USF3: variants seen among roughly 807,000 people sequenced by gnomAD.
USF3 encodes the protein basic helix-loop-helix domain-containing protein USF3.
Under a neutral mutation model 157.5 loss-of-function variants are expected in USF3, and 29 were observed. The ratio of observed to expected loss-of-function variants is 0.18; its 90% CI spans 0.14 to 0.25. The LOEUF is 0.25. Among genes scored for constraint, USF3 ranks in the 10% least tolerant of loss-of-function variants. The pLI, the probability that USF3 is intolerant of heterozygous loss-of-function variation, is 1.00. For synonymous variants in USF3, 893 were observed against 941.4 expected (o/e 0.95, Z 0.94); for missense variants, 2,381 against 2,667.6 (o/e 0.89, Z 2.37).
intron 4 of USF3, among the ~76,000 whole-genome samples, chr3:113,672,143 TTTTC>T (rs1707169399): frequency 6.6e-6 from 1 of 151,508 alleles, no homozygotes; most frequent in Admixed American, 6.6e-5. Flanking sequence ...TTCTTTTTTT[TTTTC>T]TTTTTTTTTT....
rs114851005 is a variant in USF3, at chr3:113,685,360, C to T, written c.-134-7963G>A. On this transcript the variant is annotated intron_variant, in intron 1 of 6. Coordinates refer to ENST00000316407, the MANE Select transcript of USF3 (RefSeq NM_001009899.4). ...TGTGGCAACTATCTCCTGACTATCA[C>T]TGATGTTTATTCAAGCCCAGGGGCT... Among the ~76,000 whole-genome samples, 594 of 152,260 alleles carry T rather than the reference C, an allele frequency of 3.9e-3. 4 individuals carry two copies. Among genetic ancestry groups the T allele is most frequent in the African/African-American group, 0.014 (564 of 41,556 alleles).
At position 113,659,800 on chromosome 3, in the gene USF3, A is replaced by C; in HGVS notation, c.1882T>G (p.Phe628Val). ...ATGTGGACAAGATGCTTTCCTCCAAAAGTCTGTGGTGTTGGAACATTTTGC... is the reference window on the plus strand; with the variant it reads ...ATGTGGACAAGATGCTTTCCTCCAACAGTCTGTGGTGTTGGAACATTTTGC... The part of the protein sequence containing the change: ...SVQNVPTPQT[F>V]GGKHLVHILP... The change falls in exon 7 of 7, where the codon TTT (phenylalanine) becomes GTT (valine). Residue 628 changes from phenylalanine (F) to valine (V), a missense_variant. Coordinates refer to ENST00000316407, the MANE Select transcript of USF3 (RefSeq NM_001009899.4). 6.2e-7 allele frequency: 1 copy of C among 1,614,184 alleles called. No individual in the cohort carries two copies. Among genetic ancestry groups the C allele is most frequent in the Non-Finnish European group, 8.5e-7 (1 of 1,180,008 alleles).
At chr3:113,664,936 G>A (rs1249335632) in intron 5 of USF3, among the ~76,000 whole-genome samples, 3 of 152,130 alleles carry the variant, frequency 2.0e-5, no homozygotes, top group South Asian at 2.1e-4. Flanking sequence ...CTAGGAAGTG[G>A]GTTATCACCA....
In USF3 at chr3:113,657,349, C is replaced by T. The variant is rs753806192; in HGVS notation, c.4333G>A (p.Val1445Ile). The T allele has an allele frequency of 4.3e-6, 7 of 1,613,754 alleles. No individual in the cohort carries two copies. Among genetic ancestry groups the T allele is most frequent in the Non-Finnish European group, 5.9e-6 (7 of 1,179,826 alleles). Residue 1445 changes from valine to isoleucine, a missense_variant, in exon 7 of 7, where the codon GTT (valine) becomes ATT (isoleucine). Physicochemically the swap from Val to Ile is conservative, Grantham distance 29. Transcript: ENST00000316407. ...SQHLQALQQHVPAQGVSHLHS... is the reference protein window; with the variant it reads ...SQHLQALQQHIPAQGVSHLHS... ...AGGTGAGATACACCTTGAGCTGGAACATGCTGCTGCAGGGCCTGTAGATGC... is the reference window on the plus strand; with the variant it reads ...AGGTGAGATACACCTTGAGCTGGAATATGCTGCTGCAGGGCCTGTAGATGC...
chr3:113,660,748 T>C lies in USF3; in HGVS notation c.934A>G (p.Thr312Ala), dbSNP rs192213473. The C allele has an allele frequency of 2.6e-5, 42 of 1,614,206 alleles. No homozygotes were observed. The East Asian group carries it at 9.1e-4, about 35-fold the overall frequency. Residue 312 changes from threonine (T) to alanine (A), a missense_variant, in exon 7 of 7, where the codon ACT (threonine) becomes GCT (alanine). Transcript: ENST00000316407. ...NIPHSSSATA[T>A]KVHHGNKSCL... Reference sequence around the variant, plus strand: ...GACTTGTTTCCATGGTGCACTTTAGTGGCAGTTGCTGAGGAGCTGTGGGGG... The same window carrying C: ...GACTTGTTTCCATGGTGCACTTTAGCGGCAGTTGCTGAGGAGCTGTGGGGG...
rs869129942 is a variant in USF3 at position 113,652,666 on chromosome 3, A to AG, written c.*2277dup. On this transcript the variant is annotated 3_prime_UTR_variant, in exon 7 of 7. Coordinates refer to ENST00000316407, the MANE Select transcript of USF3 (RefSeq NM_001009899.4). ...GGAAGCTTTTTAGGATTAAAAAAAAAGGGGGGGGCCTGGGAGGGGTGACTC... is the reference window on the plus strand; with the variant it reads ...GGAAGCTTTTTAGGATTAAAAAAAAAGGGGGGGGGCCTGGGAGGGGTGACTC... 77 of 144,882 alleles carry AG rather than the reference A, an allele frequency of 5.3e-4. No homozygotes were observed. Among genetic ancestry groups the AG allele is most frequent in the African/African-American group, 1.3e-3 (50 of 39,380 alleles). The allele number at this position is 144,882 out of a possible 1,614,324, so 9.0% of individuals were successfully genotyped here.
chr3:113,667,572 A>C (rs756828985), intron 5 of USF3, among the ~76,000 whole-genome samples: 3 of 152,222 alleles, frequency 2.0e-5, no homozygotes, highest in Non-Finnish European at 4.4e-5. Flanking sequence ...CACAATTTTT[A>C]AAAAGGCTGA....
At chr3:113,677,941 G>A (rs1363894280) in intron 1 of USF3, among the ~76,000 whole-genome samples, 4 of 151,992 alleles carry the variant, frequency 2.6e-5, no homozygotes, top group South Asian at 4.2e-4. Flanking sequence ...TCTGGGTAGG[G>A]CCCAGGAATT....
Position 113,674,815 on chromosome 3 carries a change from G to A in USF3, c.47+17C>T, listed in dbSNP as rs1347697319. Reference sequence around the variant, plus strand: ...TATCTGCCCAAAGCATATTATATTGGGGCTGTGGATACATACCTGTGCTGC... The same window carrying A: ...TATCTGCCCAAAGCATATTATATTGAGGCTGTGGATACATACCTGTGCTGC... On this transcript the variant is annotated intron_variant, in intron 3 of 6. Transcript: ENST00000316407. The A allele has an allele frequency of 6.2e-7, 1 of 1,607,762 alleles. No homozygotes were observed. Among genetic ancestry groups the A allele is most frequent in the Admixed American group, 1.7e-5 (1 of 59,998 alleles).
intron 1 of USF3, among the ~76,000 whole-genome samples, chr3:113,682,311 T>G (rs1039075990): frequency 6.6e-6 from 1 of 150,488 alleles, no homozygotes; most frequent in Admixed American, 6.6e-5. Context: ...GGAGACAGAG[T>G]GAGACCCTGT....
rs12493635 is a variant in USF3, at chr3:113,654,172, C to T, written c.*772G>A. The T allele has an allele frequency of 0.38, 58,312 of 152,444 alleles. 11,250 individuals carry two copies. Among genetic ancestry groups the T allele is most frequent in the African/African-American group, 0.46 (18,875 of 41,454 alleles). The allele number at this position is 152,444 out of a possible 1,614,324, so 9.4% of individuals were successfully genotyped here. ...ACTAACTGCTTTTACCCTTATGACCCGATGCAAAATGCAAGCACAAAACGG... is the reference window on the plus strand; with the variant it reads ...ACTAACTGCTTTTACCCTTATGACCTGATGCAAAATGCAAGCACAAAACGG... On this transcript the variant is annotated 3_prime_UTR_variant, in exon 7 of 7. Coordinates refer to ENST00000316407, the MANE Select transcript of USF3 (RefSeq NM_001009899.4).
At chr3:113,691,100 G>A (rs972943171) in intron 1 of USF3, among the ~76,000 whole-genome samples, 1 of 152,128 alleles carries the variant, frequency 6.6e-6, no homozygotes, top group Non-Finnish European at 1.5e-5. Context: ...GAGGTAGGAG[G>A]ATGGCTTGAG....
chr3:113,673,417 T>C, intron 3 of USF3, 41 bp from the exon 4 acceptor site: 2 of 1,273,102 alleles, frequency 1.6e-6, no homozygotes, highest in South Asian at 1.3e-5. Context: ...ATGAAAATAA[T>C]GGGAAAGTAT....
chr3:113,664,690 C>T (rs2107931277), intron 5 of USF3, among the ~76,000 whole-genome samples: 1 of 152,174 alleles, frequency 6.6e-6, no homozygotes, highest in East Asian at 1.9e-4. Flanking sequence ...CAGAGGAATG[C>T]TATGAAGAAA....
At chr3:113,692,101 G>C (rs750337025) in intron 1 of USF3, among the ~76,000 whole-genome samples, 66 of 152,230 alleles carry the variant, frequency 4.3e-4, no homozygotes, top group South Asian at 1.0e-3. Context: ...AATAGGGCTC[G>C]CACTCCTATG....
At chr3:113,695,141 A>T (rs898701800) in intron 1 of USF3, among the ~76,000 whole-genome samples, 3 of 152,250 alleles carry the variant, frequency 2.0e-5, no homozygotes, top group African/African-American at 7.2e-5. Flanking sequence ...GGCTTAGGCT[A>T]AAGCAAAACT....
At chr3:113,679,501 C>A (rs1228926654) in intron 1 of USF3, among the ~76,000 whole-genome samples, 1 of 151,288 alleles carries the variant, frequency 6.6e-6, no homozygotes, top group Non-Finnish European at 1.5e-5. Context: ...GCAACCTCTG[C>A]CTCCTGGGTT....
Position 113,659,338 on chromosome 3 carries a change from T to A in USF3, c.2344A>T (p.Asn782Tyr). 2 of 1,614,234 alleles carry A rather than the reference T, an allele frequency of 1.2e-6. No individual in the cohort carries two copies. The highest frequency in any genetic ancestry group is 1.7e-6 in the Non-Finnish European group (2 of 1,180,040). The change falls in exon 7 of 7, where the codon AAC becomes TAC. Residue 782 changes from asparagine to tyrosine, a missense_variant. Asn to Tyr is a moderately radical substitution (Grantham distance 143). Coordinates refer to ENST00000316407, the MANE Select transcript of USF3 (RefSeq NM_001009899.4). The part of the protein sequence containing the change: ...TYNLVSTSSM[N>Y]TVACLPNMKS... ...ATGTTAGGCAAACAAGCAACAGTGT[T>A]CATTGAGGAAGTACTCACTAGATTA...
intron 1 of USF3, among the ~76,000 whole-genome samples, chr3:113,681,171 G>A (rs1382475739): frequency 6.6e-6 from 1 of 151,968 alleles, no homozygotes; most frequent in Non-Finnish European, 1.5e-5. Context: ...TAGAGATGGG[G>A]TTTCACCATG....
Sources: gnomAD v4.1 joint callset for allele counts (sites outside exome capture counted in the v4.1 genomes callset) on GRCh38, gnomAD v4.1.1 for gene constraint, MANE v1.5 for transcripts, NCBI Gene and HGNC (gene_info 2026-07-23, HGNC 2026-07-21) for gene names.